Variants in NBR1 observed in about 807,000 individuals in gnomAD.
The protein encoded by NBR1 is NBR1 autophagy cargo receptor, also known as next to BRCA1 gene 1 protein.
In NBR1, 59 loss-of-function variants were observed where a neutral mutation model predicts 115.5. That is an observed-to-expected ratio of 0.51 (90% CI 0.41 to 0.63). The LOEUF is 0.63. Ranked by LOEUF, NBR1 falls within the 30% of genes least tolerant of loss-of-function variation. NBR1 has a pLI of 0.00. For missense variants in NBR1, 1,043 were observed against 1,150.5 expected (o/e 0.91, Z 1.35); for synonymous variants, 373 against 414.7 (o/e 0.90, Z 1.22).
chr17:43,204,098 C>T (rs555748624), intron 20 of NBR1, among the ~76,000 whole-genome samples: 17 of 152,126 alleles, frequency 1.1e-4, no homozygotes, highest in African/African-American at 2.9e-4. Context: ...CCACTACACC[C>T]GGCTAATTTT....
At chr17:43,198,736 C>T (rs753956299) in intron 16 of NBR1, among the ~76,000 whole-genome samples, 4 of 151,870 alleles carry the variant, frequency 2.6e-5, no homozygotes, top group Non-Finnish European at 5.9e-5. Context: ...CCGAGGTGGG[C>T]GGATCATGAG....
Position 43,197,408 on chromosome 17 carries a change from A to G in NBR1, c.2026+302A>G, listed in dbSNP as rs573280027. On this transcript the variant is annotated intron_variant, in intron 16 of 20. Coordinates refer to ENST00000590996, the MANE Select transcript of NBR1 (RefSeq NM_005899.5). ...GTGGCGGGTGCCTGTAGTCCCAGCT[A>G]CTCGGGAGGCTGAGGCAGGAGAATG... Among the ~76,000 whole-genome samples, 29 of 151,894 alleles carry G rather than the reference A, an allele frequency of 1.9e-4. No individual in the cohort carries two copies. The South Asian group carries it at 4.6e-3, about 24-fold the overall frequency.
chr17:43,186,564 G>A, intron 6 of NBR1, 120 bp downstream of exon 6: 1 of 883,982 alleles, frequency 1.1e-6, no homozygotes, highest in Non-Finnish European at 1.6e-6. Context: ...TACATGTGCA[G>A]AATGTGCAGG....
At chr17:43,193,289 T>C (rs755790310) in intron 11 of NBR1, 36 bp downstream of exon 11, 1 of 1,613,200 alleles carries the variant, frequency 6.2e-7, no homozygotes. Flanking sequence ...ATGAGGTGAT[T>C]TGAAGTGGCA....
Position 43,186,309 on chromosome 17 carries a change from T to C in NBR1, c.267T>C (p.Val89=), listed in dbSNP as rs773111851. 15 of 1,590,672 alleles carry C rather than the reference T, an allele frequency of 9.4e-6. No individual in the cohort carries two copies. Among genetic ancestry groups the C allele is most frequent in the Non-Finnish European group, 7.7e-6 (9 of 1,168,612 alleles). Residue 89 remains valine (V), a synonymous_variant, in exon 6 of 21, where the codon GTT becomes GTC. Coordinates refer to ENST00000590996, the MANE Select transcript of NBR1 (RefSeq NM_005899.5). The part of the protein sequence containing the change: ...QMQVHEGHHV[V]DEAPPPVVGA... ...AAGTCCACGAAGGGCACCATGTCGTTGATGAAGCCCCACCCCCAGTTGTAG... is the reference window on the plus strand; with the variant it reads ...AAGTCCACGAAGGGCACCATGTCGTCGATGAAGCCCCACCCCCAGTTGTAG...
At chr17:43,180,849 T>C (rs1235737642) in intron 5 of NBR1, 32 bp downstream of exon 5, 1 of 1,383,790 alleles carries the variant, frequency 7.2e-7, no homozygotes, top group South Asian at 1.6e-5. Context: ...TTTTAAATAA[T>C]TTAAAAAATA....
chr17:43,197,159 T>G (rs905164369), intron 16 of NBR1, 53 bp downstream of exon 16: 38 of 1,525,686 alleles, frequency 2.5e-5, no homozygotes, highest in Non-Finnish European at 3.4e-5. Flanking sequence ...GAATTGTGAC[T>G]GCCAGACTTG....
intron 6 of NBR1, 33 bp downstream of exon 6, chr17:43,186,477 C>T (rs374449845): frequency 9.2e-6 from 13 of 1,412,024 alleles, no homozygotes; most frequent in African/African-American, 3.0e-5. Flanking sequence ...TATCCAATAT[C>T]GTTTCTTTTT....
At chr17:43,185,313 C>G (rs996540800) in intron 5 of NBR1, among the ~76,000 whole-genome samples, 2 of 152,182 alleles carry the variant, frequency 1.3e-5, no homozygotes, top group Admixed American at 1.3e-4. Context: ...GTGACCCAAA[C>G]CTATGATACT....
chr17:43,204,651 C>G (rs1478674773), intron 20 of NBR1, among the ~76,000 whole-genome samples: 1 of 151,526 alleles, frequency 6.6e-6, no homozygotes. Context: ...CCTGTCTCTA[C>G]TAAAAATACA....
intron 16 of NBR1, among the ~76,000 whole-genome samples, chr17:43,198,661 A>G (rs930950975): frequency 1.3e-5 from 2 of 150,710 alleles, no homozygotes; most frequent in Non-Finnish European, 2.9e-5. Flanking sequence ...AAAAAAAAAA[A>G]ATAATAAAGT....
At position 43,196,921 on chromosome 17, in the gene NBR1, T is replaced by C. The variant is rs551407176; in HGVS notation, c.1862-21T>C. 187 of 1,613,610 alleles carry C rather than the reference T, an allele frequency of 1.2e-4. No homozygotes were observed. The South Asian group carries it at 1.9e-3, about 17-fold the overall frequency. ...CAGCACTTTAAACACCCAGTGCAGA[T>C]AAGGTTCGTGTGTCTTTCAGATTCT... is the stretch of plus-strand genomic sequence containing the variant. On this transcript the variant is annotated intron_variant, in intron 15 of 20. Transcript: ENST00000590996.
chr17:43,193,881 G>C (rs1484980301), intron 12 of NBR1, among the ~76,000 whole-genome samples: 1 of 152,140 alleles, frequency 6.6e-6, no homozygotes, highest in African/African-American at 2.4e-5. Flanking sequence ...ATGTTGCATG[G>C]TCAGCCTGTT....
chr17:43,180,334 G>C (rs1385347772), intron 4 of NBR1, among the ~76,000 whole-genome samples: 1 of 152,196 alleles, frequency 6.6e-6, no homozygotes, highest in Non-Finnish European at 1.5e-5. Flanking sequence ...AACCTGTAGA[G>C]CATGTTACTG....
intron 2 of NBR1, 146 bp downstream of exon 2, chr17:43,176,047 G>A: frequency 1.8e-6 from 1 of 551,372 alleles, no homozygotes; most frequent in Non-Finnish European, 3.3e-6. Flanking sequence ...TTTTGATAGG[G>A]TTTCAGTATT....
At chr17:43,182,016 G>GC (rs1379733910) in intron 5 of NBR1, among the ~76,000 whole-genome samples, 2 of 151,002 alleles carry the variant, frequency 1.3e-5, no homozygotes, top group African/African-American at 4.9e-5. Flanking sequence ...AACTCTTGAT[G>GC]CCCCCCTTTT....
At chr17:43,208,847 G>T (rs924814552) in intron 20 of NBR1, among the ~76,000 whole-genome samples, 4 of 152,026 alleles carry the variant, frequency 2.6e-5, no homozygotes, top group Non-Finnish European at 5.9e-5. Context: ...CAGACCAGTG[G>T]TCCCAGCTAT....
chr17:43,186,475 ATC>A (rs2056805467), intron 6 of NBR1, 31 bp downstream of exon 6: 1 of 1,428,750 alleles, frequency 7.0e-7, no homozygotes, highest in Non-Finnish European at 9.2e-7. Context: ...TCTATCCAAT[ATC>A]GTTTCTTTTT....
chr17:43,205,584 G>A (rs1378237717), intron 20 of NBR1, among the ~76,000 whole-genome samples: 3 of 151,924 alleles, frequency 2.0e-5, no homozygotes, highest in East Asian at 1.9e-4. Context: ...GGAGTAAGAC[G>A]AAAAAAGACT....
Sources: gnomAD v4.1 joint callset for allele counts (sites outside exome capture counted in the v4.1 genomes callset) on GRCh38, gnomAD v4.1.1 for gene constraint, MANE v1.5 for transcripts, NCBI Gene and HGNC (gene_info 2026-07-23, HGNC 2026-07-21) for gene names.